SPATA6: variants seen among roughly 807,000 people sequenced by gnomAD.
The protein encoded by SPATA6 is spermatogenesis-associated protein 6.
SPATA6 carries 56 observed loss-of-function variants against 65.3 expected under a neutral mutation model. The ratio of observed to expected loss-of-function variants is 0.86; its 90% CI spans 0.69 to 1.07. The LOEUF (loss-of-function observed/expected upper bound fraction) is 1.07. SPATA6 is among the 50% of genes least tolerant of loss of function. SPATA6 has a pLI of 0.00. For missense variants in SPATA6, 590 were observed against 594.8 expected, an observed-to-expected ratio of 0.99 and a Z score of 0.08; for synonymous variants, 199 against 213.2, an observed-to-expected ratio of 0.93 and a Z score of 0.58.
intron 1 of SPATA6, among the ~76,000 whole-genome samples, chr1:48,459,204 C>CAAAAAAAAAAA (rs35079974): frequency 1.5e-5 from 1 of 66,394 alleles, no homozygotes; most frequent in Non-Finnish European, 2.9e-5. Flanking sequence ...GACTCCATAT[C>CAAAAAAAAAAA]AAAAAAAAAA....
intron 3 of SPATA6, among the ~76,000 whole-genome samples, chr1:48,422,674 C>G (rs1222058038): frequency 1.3e-5 from 2 of 152,068 alleles, no homozygotes; most frequent in Admixed American, 6.6e-5. Flanking sequence ...AAACATAAAG[C>G]CTATCTGGAG....
At chr1:48,282,873 C>T in the SPATA6 span, among the ~76,000 whole-genome samples, 1 of 152,130 alleles carries the variant, frequency 6.6e-6, no homozygotes, top group East Asian at 1.9e-4. Context: ...GCTATAAAGA[C>T]ACATGCACAC....
chr1:48,395,685 T>A (rs1650522772), intron 7 of SPATA6, among the ~76,000 whole-genome samples: 1 of 151,996 alleles, frequency 6.6e-6, no homozygotes, highest in Non-Finnish European at 1.5e-5. Flanking sequence ...TACTTTGCCA[T>A]ATTTTTAAAA....
chr1:48,448,727 A>G (rs1656295070), intron 3 of SPATA6, among the ~76,000 whole-genome samples: 1 of 152,228 alleles, frequency 6.6e-6, no homozygotes, highest in South Asian at 2.1e-4. Flanking sequence ...AACTACTTAG[A>G]TGTGGAACAA....
At chr1:48,353,467 T>C (rs764839701) in intron 11 of SPATA6, among the ~76,000 whole-genome samples, 1 of 148,828 alleles carries the variant, frequency 6.7e-6, no homozygotes, top group Non-Finnish European at 1.5e-5. Flanking sequence ...ACTTACAAGA[T>C]ACATCCTTTA....
At chr1:48,445,401 C>T (rs1244186083) in intron 3 of SPATA6, among the ~76,000 whole-genome samples, 6 of 152,258 alleles carry the variant, frequency 3.9e-5, no homozygotes, top group South Asian at 4.1e-4. Flanking sequence ...TGGTGGCTCA[C>T]GCCTGTAATC....
intron 1 of SPATA6, among the ~76,000 whole-genome samples, chr1:48,460,646 T>C (rs1184649378): frequency 6.6e-6 from 1 of 152,184 alleles, no homozygotes; most frequent in Non-Finnish European, 1.5e-5. Context: ...AAACAATGTA[T>C]TTTCAAACAT....
intron 11 of SPATA6, among the ~76,000 whole-genome samples, chr1:48,312,160 G>GCTCT (rs2148669422): frequency 6.6e-6 from 1 of 152,314 alleles, no homozygotes; most frequent in Admixed American, 6.5e-5. Flanking sequence ...CGAAACAAAA[G>GCTCT]GCAGCAGAAA....
intron 11 of SPATA6, among the ~76,000 whole-genome samples, chr1:48,306,978 T>A (rs941025972): frequency 3.9e-5 from 6 of 151,902 alleles, no homozygotes; most frequent in African/African-American, 1.4e-4. Flanking sequence ...AGTGCTTTAA[T>A]GGTATATATT....
intron 11 of SPATA6, among the ~76,000 whole-genome samples, chr1:48,317,849 C>G (rs1415090898): frequency 6.6e-6 from 1 of 151,928 alleles, no homozygotes; most frequent in African/African-American, 2.4e-5. Context: ...ACCAAAAGCA[C>G]AATTTAAAAA....
intron 9 of SPATA6, among the ~76,000 whole-genome samples, chr1:48,377,403 C>T (rs1648043899): frequency 6.6e-6 from 1 of 152,168 alleles, no homozygotes; most frequent in Non-Finnish European, 1.5e-5. Flanking sequence ...AGCCACTGAA[C>T]CTTAATGAAT....
the SPATA6 span, among the ~76,000 whole-genome samples, chr1:48,267,393 A>C: frequency 6.6e-6 from 1 of 152,202 alleles, no homozygotes; most frequent in Non-Finnish European, 1.5e-5. Flanking sequence ...GGCTTTCTGT[A>C]TTCCAGGCTC....
intron 3 of SPATA6, among the ~76,000 whole-genome samples, chr1:48,434,580 T>TGA (rs143615219): frequency 0.078 from 11,815 of 152,154 alleles, 614 homozygotes; most frequent in East Asian, 0.23. Flanking sequence ...ATGACAAATC[T>TGA]GAGGAGTGAC....
intron 1 of SPATA6, among the ~76,000 whole-genome samples, chr1:48,470,386 T>G (rs1424572895): frequency 6.6e-6 from 1 of 152,210 alleles, no homozygotes; most frequent in Admixed American, 6.5e-5. Flanking sequence ...TTCACTAACT[T>G]GTGTCCTGGG....
At chr1:48,434,255 G>GAAAA (rs1491260601) in intron 3 of SPATA6, among the ~76,000 whole-genome samples, 5 of 33,428 alleles carry the variant, frequency 1.5e-4, no homozygotes, top group Admixed American at 3.6e-4. Context: ...ATACAGCAGT[G>GAAAA]AAAGAAAAAA....
downstream of SPATA6, among the ~76,000 whole-genome samples, chr1:48,294,963 G>T (rs1388725275): frequency 6.6e-6 from 1 of 152,138 alleles, no homozygotes; most frequent in Non-Finnish European, 1.5e-5. Flanking sequence ...TCATACCATG[G>T]AAGTTACCAA....
chr1:48,400,691 G>T, intron 6 of SPATA6: 1 of 978,964 alleles, frequency 1.0e-6, no homozygotes, highest in South Asian at 1.6e-5. Context: ...TTTTTAAGTG[G>T]ATACACAGAA....
At chr1:48,363,755 CTT>C (rs1646896158) in intron 9 of SPATA6, among the ~76,000 whole-genome samples, 1 of 119,856 alleles carries the variant, frequency 8.3e-6, no homozygotes, top group South Asian at 2.7e-4. Context: ...AAAAAGGAAA[CTT>C]CTTTTTTTTC....
intron 11 of SPATA6, among the ~76,000 whole-genome samples, chr1:48,333,347 G>A (rs1028896725): frequency 6.6e-6 from 1 of 152,078 alleles, no homozygotes; most frequent in African/African-American, 2.4e-5. Context: ...ATGGGGTCTT[G>A]GGCCTTTGGC....
Sources: allele counts gnomAD v4.1 joint callset (sites outside exome capture counted in the v4.1 genomes callset), GRCh38; gene constraint gnomAD v4.1.1; transcripts MANE v1.5; gene names NCBI Gene and HGNC (gene_info 2026-07-23, HGNC 2026-07-21).